AXDND1: variants seen among roughly 807,000 people sequenced by gnomAD.
AXDND1 encodes axonemal dynein light chain domain containing 1.
AXDND1 carries 110 observed loss-of-function variants against 137.5 expected under a neutral mutation model. The ratio of observed to expected loss-of-function variants is 0.80; its 90% CI spans 0.69 to 0.94. The LOEUF is 0.94. Ranked by LOEUF, AXDND1 falls within the 40% of genes least tolerant of loss-of-function variation. The pLI, the probability that AXDND1 is intolerant of heterozygous loss-of-function variation, is 0.00. For missense variants in AXDND1, 1,191 were observed against 1,169.8 expected (o/e 1.02, Z -0.26); for synonymous variants, 414 against 399.7 (o/e 1.04, Z -0.43).
At chr1:179,447,439 A>G in intron 16 of AXDND1, 1 of 387,698 alleles carries the variant, frequency 2.6e-6, no homozygotes, top group Non-Finnish European at 4.6e-6. Context: ...TTGTGTATTT[A>G]AGATAGTGTT....
chr1:179,552,915 A>G (rs749945023), intron 25 of AXDND1, among the ~76,000 whole-genome samples: 5 of 152,244 alleles, frequency 3.3e-5, no homozygotes, highest in African/African-American at 4.8e-5. Flanking sequence ...GTAGTTTCTC[A>G]TTATCAGCAC....
At chr1:179,452,189 T>C (rs1483563449) in intron 16 of AXDND1, 1 of 152,798 alleles carries the variant, frequency 6.5e-6, no homozygotes, top group African/African-American at 2.4e-5. Context: ...TGTTATATTT[T>C]AGCAAAGGGA....
chr1:179,519,138 T>A (rs1669821734), intron 21 of AXDND1, among the ~76,000 whole-genome samples: 1 of 152,234 alleles, frequency 6.6e-6, no homozygotes, highest in South Asian at 2.1e-4. Context: ...TCTCTAATGA[T>A]CAGTGATGTT....
At chr1:179,411,794 A>C (rs1405174420) in intron 12 of AXDND1, among the ~76,000 whole-genome samples, 1 of 151,966 alleles carries the variant, frequency 6.6e-6, no homozygotes, top group African/African-American at 2.4e-5. Flanking sequence ...GGTGGTTCTT[A>C]TCTCTTCATA....
intron 16 of AXDND1, 134 bp downstream of exon 16, chr1:179,445,338 C>G: frequency 1.6e-6 from 1 of 617,866 alleles, no homozygotes; most frequent in Non-Finnish European, 2.7e-6. Context: ...ATAAGCAAAG[C>G]ATTGAGCATC....
At chr1:179,382,825 C>G (rs767144672) in intron 7 of AXDND1, 69 bp downstream of exon 7, 16 of 1,203,222 alleles carry the variant, frequency 1.3e-5, no homozygotes, top group Non-Finnish European at 1.9e-5. Flanking sequence ...TTTCTTGGTA[C>G]TTTATTAAAC....
intron 11 of AXDND1, among the ~76,000 whole-genome samples, chr1:179,396,519 G>A (rs1035485366): frequency 5.3e-5 from 8 of 151,198 alleles, no homozygotes; most frequent in East Asian, 2.0e-4. Context: ...ATGGTGGCAC[G>A]TACCTGTAGT....
At chr1:179,483,003 C>T in intron 17 of AXDND1, 125 bp from the exon 18 acceptor site, 1 of 562,610 alleles carries the variant, frequency 1.8e-6, no homozygotes, top group Non-Finnish European at 3.0e-6. Context: ...TTCCTCAGTT[C>T]TCAAGCAGTT....
chr1:179,496,275 G>T (rs1667439662), intron 20 of AXDND1, among the ~76,000 whole-genome samples: 1 of 151,994 alleles, frequency 6.6e-6, no homozygotes, highest in Admixed American at 6.6e-5. Flanking sequence ...AATAATATGT[G>T]TAGAATTGTT....
At position 179,534,330 on chromosome 1, in the gene AXDND1, G is replaced by A. The variant is rs530125805; in HGVS notation, c.2799-400G>A. ...TAGCTAAGAAGCACATCTCAAGCTG[G>A]TTTCTTTGATTGTAAAAAATTTGGT... is the stretch of plus-strand genomic sequence containing the variant. On this transcript the variant is annotated intron_variant, in intron 24 of 25. Coordinates refer to ENST00000367618, the MANE Select transcript of AXDND1 (RefSeq NM_144696.6). Among the ~76,000 whole-genome samples, 29 of 152,268 alleles carry A rather than the reference G, an allele frequency of 1.9e-4. No homozygotes were observed. In the South Asian group the frequency reaches 3.5e-3, roughly 19 times the overall value.
At chr1:179,456,496 C>T in intron 16 of AXDND1, 2 of 770,938 alleles carry the variant, frequency 2.6e-6, no homozygotes, top group Non-Finnish European at 4.8e-6. Flanking sequence ...CCACTCCCAC[C>T]ATAGCCACTG....
intron 21 of AXDND1, among the ~76,000 whole-genome samples, chr1:179,519,437 C>G (rs1217368970): frequency 2.0e-5 from 3 of 151,974 alleles, no homozygotes; most frequent in African/African-American, 7.2e-5. Context: ...TTGTTTTTGG[C>G]ATCTTCATTG....
chr1:179,537,315 A>ACC (rs1671650815), intron 25 of AXDND1, among the ~76,000 whole-genome samples: 1 of 152,220 alleles, frequency 6.6e-6, no homozygotes, highest in Non-Finnish European at 1.5e-5. Flanking sequence ...TTGCCCATCC[A>ACC]GTATGATATT....
At chr1:179,511,235 A>G (rs1669019282) in intron 21 of AXDND1, among the ~76,000 whole-genome samples, 1 of 151,646 alleles carries the variant, frequency 6.6e-6, no homozygotes, top group Non-Finnish European at 1.5e-5. Flanking sequence ...ATTCCTCTTC[A>G]TGGCTGAGTA....
chr1:179,404,778 G>A (rs1425664557), intron 11 of AXDND1, among the ~76,000 whole-genome samples: 4 of 152,244 alleles, frequency 2.6e-5, no homozygotes, highest in Admixed American at 2.6e-4. Context: ...TGCAGAATCA[G>A]TTAAGAAGAA....
At chr1:179,417,381 G>A (rs1654868622) in intron 12 of AXDND1, among the ~76,000 whole-genome samples, 1 of 151,882 alleles carries the variant, frequency 6.6e-6, no homozygotes, top group Middle Eastern at 3.2e-3. Flanking sequence ...TTTTGCTTTG[G>A]TTGCCTGTGC....
intron 20 of AXDND1, among the ~76,000 whole-genome samples, chr1:179,499,106 C>G (rs893749136): frequency 1.3e-5 from 2 of 152,090 alleles, no homozygotes; most frequent in African/African-American, 4.8e-5. Context: ...ATAAATCATT[C>G]TACCAAAAAG....
At chr1:179,552,283 A>G in intron 25 of AXDND1, 1 of 411,022 alleles carries the variant, frequency 2.4e-6, no homozygotes, top group Non-Finnish European at 4.6e-6. Flanking sequence ...TAGGGTGACT[A>G]CGATTACCCA....
chr1:179,514,140 A>G (rs954301248), intron 21 of AXDND1, among the ~76,000 whole-genome samples: 3 of 151,632 alleles, frequency 2.0e-5, no homozygotes, highest in Non-Finnish European at 4.4e-5. Context: ...TTGTTTCTCT[A>G]GTTCCTTGAG....
Sources: allele counts gnomAD v4.1 joint callset (sites outside exome capture counted in the v4.1 genomes callset), GRCh38; gene constraint gnomAD v4.1.1; transcripts MANE v1.5; gene names NCBI Gene and HGNC (gene_info 2026-07-23, HGNC 2026-07-21).